Variants in DPP10 observed in about 807,000 individuals in gnomAD.
The protein encoded by DPP10 is dipeptidyl peptidase like 10, also known as inactive dipeptidyl peptidase 10.
In DPP10, 33 loss-of-function variants were observed where a neutral mutation model predicts 120.9. That is an observed-to-expected ratio of 0.27 (90% CI 0.21 to 0.37). DPP10 has a LOEUF of 0.37. DPP10 is among the 10% of genes least tolerant of loss of function. DPP10 has a pLI of 1.00. For missense variants in DPP10, 816 were observed against 942.8 expected, an observed-to-expected ratio of 0.87 and a Z score of 1.76; for synonymous variants, 337 against 326.1, an observed-to-expected ratio of 1.03 and a Z score of -0.36.
At chr2:115,245,309 G>T (rs2058484174) in intron 1 of DPP10, among the ~76,000 whole-genome samples, 1 of 151,786 alleles carries the variant, frequency 6.6e-6, no homozygotes, top group African/African-American at 2.4e-5. Context: ...ATCAAAACAT[G>T]GGCAAAGGAC....
chr2:114,689,392 TC>T (rs1699589673), intron 1 of DPP10, among the ~76,000 whole-genome samples: 2 of 151,966 alleles, frequency 1.3e-5, no homozygotes, highest in South Asian at 4.1e-4. Flanking sequence ...TCCATCCATG[TC>T]CCTGCAAAGG....
chr2:115,226,566 A>G (rs1318414815), intron 1 of DPP10, among the ~76,000 whole-genome samples: 1 of 152,176 alleles, frequency 6.6e-6, no homozygotes, highest in Non-Finnish European at 1.5e-5. Context: ...CCGTGAACAA[A>G]ATCTTTGAAC....
intron 1 of DPP10, among the ~76,000 whole-genome samples, chr2:115,041,480 G>A (rs1704640819): frequency 6.6e-6 from 1 of 152,140 alleles, no homozygotes; most frequent in Admixed American, 6.5e-5. Context: ...TATTGCTTAT[G>A]AGGTAGCATA....
At chr2:115,101,764 T>C (rs2048701572) in intron 1 of DPP10, among the ~76,000 whole-genome samples, 1 of 152,224 alleles carries the variant, frequency 6.6e-6, no homozygotes, top group African/African-American at 2.4e-5. Flanking sequence ...GGTTGGCCCT[T>C]AAATCTTCAT....
chr2:115,048,834 T>C (rs1705258762), intron 1 of DPP10, among the ~76,000 whole-genome samples: 1 of 152,102 alleles, frequency 6.6e-6, no homozygotes. Flanking sequence ...TATTTTATGT[T>C]CTCCAAATTT....
At chr2:114,966,292 C>T (rs1007941996) in intron 1 of DPP10, among the ~76,000 whole-genome samples, 2 of 152,044 alleles carry the variant, frequency 1.3e-5, no homozygotes, top group Non-Finnish European at 2.9e-5. Context: ...GGAGGTGGGG[C>T]CTAGAGGGAG....
intron 1 of DPP10, among the ~76,000 whole-genome samples, chr2:114,947,040 C>T (rs1208820530): frequency 6.6e-6 from 1 of 152,058 alleles, no homozygotes. Flanking sequence ...GAAATATGAA[C>T]ATTTCATCTA....
At chr2:115,492,483 A>G (rs2076176560) in intron 3 of DPP10, among the ~76,000 whole-genome samples, 1 of 152,172 alleles carries the variant, frequency 6.6e-6, no homozygotes, top group Middle Eastern at 3.2e-3. Flanking sequence ...CTTAAATAGG[A>G]AACAGTCATT....
chr2:114,540,906 C>T (rs1686897560), intron 1 of DPP10, among the ~76,000 whole-genome samples: 1 of 152,184 alleles, frequency 6.6e-6, no homozygotes, highest in African/African-American at 2.4e-5. Context: ...GAACTGCCTT[C>T]AGAAATATAC....
intron 2 of DPP10, among the ~76,000 whole-genome samples, chr2:115,330,649 A>G (rs568442922): frequency 3.3e-5 from 5 of 152,046 alleles, no homozygotes; most frequent in Non-Finnish European, 7.4e-5. Context: ...AGCTTTCTAC[A>G]TATGGCTAGC....
chr2:114,843,679 T>TGTC (rs1222489750), intron 1 of DPP10, among the ~76,000 whole-genome samples: 3 of 152,148 alleles, frequency 2.0e-5, no homozygotes, highest in Non-Finnish European at 4.4e-5. Context: ...AATCTCAGTT[T>TGTC]GTCTGGCTCT....
intron 1 of DPP10, among the ~76,000 whole-genome samples, chr2:114,915,244 A>C (rs1343739747): frequency 6.6e-6 from 1 of 152,244 alleles, no homozygotes; most frequent in African/African-American, 2.4e-5. Context: ...TTAAGCCAAA[A>C]ATGATCAAAA....
chr2:114,485,216 G>A, intron 1 of DPP10, among the ~76,000 whole-genome samples: 1 of 152,136 alleles, frequency 6.6e-6, no homozygotes, highest in Non-Finnish European at 1.5e-5. Flanking sequence ...AACAAACTTA[G>A]TTATAGTTCT....
At chr2:115,465,836 A>AG (rs397749438) in intron 3 of DPP10, among the ~76,000 whole-genome samples, 5 of 151,768 alleles carry the variant, frequency 3.3e-5, no homozygotes, top group African/African-American at 1.2e-4. Context: ...AATAATAAAA[A>AG]TAAAATAAAT....
At chr2:115,485,745 A>G (rs561612382) in intron 3 of DPP10, among the ~76,000 whole-genome samples, 1 of 152,270 alleles carries the variant, frequency 6.6e-6, no homozygotes, top group South Asian at 2.1e-4. Flanking sequence ...AGTTTTCCAG[A>G]CAACAAAATT....
At chr2:115,534,232 G>A (rs2078655801) in intron 5 of DPP10, among the ~76,000 whole-genome samples, 1 of 151,876 alleles carries the variant, frequency 6.6e-6, no homozygotes, top group South Asian at 2.1e-4. Flanking sequence ...CTAGCATTAG[G>A]TATATCTCCC....
chr2:115,077,447 A>T (rs1472124488), intron 1 of DPP10, among the ~76,000 whole-genome samples: 3 of 152,186 alleles, frequency 2.0e-5, no homozygotes, highest in Admixed American at 6.5e-5. Context: ...GGAAAACTGG[A>T]AAATTAGTCA....
rs2069361843 is a variant in DPP10, at chr2:115,415,855, AT to A, written c.271+71944del. On this transcript the variant is annotated intron_variant, in intron 3 of 25. Coordinates refer to ENST00000410059, the MANE Select transcript of DPP10 (RefSeq NM_020868.6). Reference sequence around the variant, plus strand: ...CTGATTTGCTTTTATATATATATATATATATATATATATATATATATGCACA... The same window carrying A: ...CTGATTTGCTTTTATATATATATATAATATATATATATATATATATGCACA... Among the ~76,000 whole-genome samples the A allele has an allele frequency of 3.0e-5, 4 of 134,568 alleles. No homozygotes were observed. The South Asian group carries it at 9.4e-4, about 31-fold the overall frequency. The allele number at this position is 134,568 out of a possible 152,430, so 88.3% of individuals were successfully genotyped here.
intron 7 of DPP10, among the ~76,000 whole-genome samples, chr2:115,698,102 G>A (rs956616886): frequency 1.3e-5 from 2 of 152,294 alleles, no homozygotes; most frequent in East Asian, 3.9e-4. Context: ...AAATTCTTCA[G>A]GATGGATCAT....
Sources: gnomAD v4.1 joint callset for allele counts (sites outside exome capture counted in the v4.1 genomes callset) on GRCh38, gnomAD v4.1.1 for gene constraint, MANE v1.5 for transcripts, NCBI Gene and HGNC (gene_info 2026-07-23, HGNC 2026-07-21) for gene names.